LIMS1: variants seen among roughly 807,000 people sequenced by gnomAD.
LIMS1 encodes the protein LIM zinc finger domain containing 1.
A neutral mutation model predicts 44.1 loss-of-function variants in LIMS1; 18 were observed. That is an observed-to-expected ratio of 0.41 (90% CI 0.28 to 0.61). LIMS1 has a LOEUF of 0.61. Ranked by LOEUF, LIMS1 falls within the 20% of genes least tolerant of loss-of-function variation. LIMS1 has a pLI of 0.32. For synonymous variants in LIMS1, 93 were observed against 149.1 expected (o/e 0.62, Z 2.74); for missense variants, 201 against 422.0 (o/e 0.48, Z 4.59).
intron 1 of LIMS1, among the ~76,000 whole-genome samples, chr2:108,559,815 A>G (rs1685051552): frequency 1.3e-5 from 2 of 152,204 alleles, no homozygotes; most frequent in Admixed American, 6.5e-5. Context: ...CTGGCAAACA[A>G]TTATAAACTG....
In LIMS1 at chr2:108,551,480, TGCGC is replaced by T. The variant is rs57736859; in HGVS notation, c.32+16895_32+16898del. On this transcript the variant is annotated intron_variant, in intron 1 of 9. Coordinates refer to ENST00000544547, the Ensembl canonical transcript of LIMS1. The stretch of plus-strand genomic sequence containing the variant: ...AGTTAGCACACTCTATATACATATA[TGCGC>T]GCGCGCGCACACACACACACACACA... Among the ~76,000 whole-genome samples, 139 of 117,714 alleles carry T rather than the reference TGCGC, an allele frequency of 1.2e-3. 1 individual carries two copies. Among genetic ancestry groups the T allele is most frequent in the African/African-American group, 3.5e-3 (106 of 30,568 alleles). 77.2% of individuals were successfully genotyped at this position (117,714 alleles called of 152,430 possible).
intron 2 of LIMS1, among the ~76,000 whole-genome samples, chr2:108,667,551 A>AAAAAAAATAT (rs765279788): frequency 6.7e-4 from 87 of 130,466 alleles, no homozygotes; most frequent in Admixed American, 1.8e-3. Context: ...AAAAAAAAAA[A>AAAAAAAATAT]ATATATATAT....
exon 10 of LIMS1, chr2:108,685,793 A>T (rs945859658): frequency 6.6e-6 from 1 of 152,178 alleles, no homozygotes; most frequent in Admixed American, 6.6e-5. Context: ...ATTAAATATT[A>T]TGCTATGAAT....
intron 1 of LIMS1, among the ~76,000 whole-genome samples, chr2:108,548,375 A>G (rs962178642): frequency 1.3e-5 from 2 of 152,184 alleles, no homozygotes; most frequent in African/African-American, 4.8e-5. Flanking sequence ...TATACAAAGC[A>G]TGAAGCATCT....
chr2:108,683,539 C>CAA (rs35864001), intron 9 of LIMS1, among the ~76,000 whole-genome samples: 2,335 of 104,880 alleles, frequency 0.022, 65 homozygotes, highest in African/African-American at 0.048. Context: ...GCTCTGTTTC[C>CAA]AAAAAAAAAA....
intron 1 of LIMS1, among the ~76,000 whole-genome samples, chr2:108,573,715 CA>C (rs1400467444): frequency 6.6e-6 from 1 of 152,078 alleles, no homozygotes; most frequent in African/African-American, 2.4e-5. Context: ...ACATCATAAA[CA>C]AATAAAGCGT....
At chr2:108,559,661 A>C (rs1685046112) in intron 1 of LIMS1, among the ~76,000 whole-genome samples, 1 of 152,206 alleles carries the variant, frequency 6.6e-6, no homozygotes, top group Admixed American at 6.5e-5. Flanking sequence ...ACCTCTGTGA[A>C]ATTGGAAATA....
chr2:108,550,836 T>A (rs2378136), intron 1 of LIMS1, among the ~76,000 whole-genome samples: 57,324 of 143,664 alleles, frequency 0.4, 12,514 homozygotes, highest in East Asian at 0.89. Context: ...AAACCCAGCT[T>A]TAGGCCAGGT....
intron 1 of LIMS1, among the ~76,000 whole-genome samples, chr2:108,656,875 G>C (rs1690899178): frequency 1.3e-5 from 1 of 74,852 alleles, no homozygotes; most frequent in Non-Finnish European, 2.7e-5. Flanking sequence ...AAACTATTAA[G>C]GTTCCCAAAG....
At chr2:108,654,731 TC>T (rs1690731045) in intron 1 of LIMS1, 1 of 197,680 alleles carries the variant, frequency 5.1e-6, no homozygotes, top group African/African-American at 2.4e-5. Context: ...TGTGGATATT[TC>T]TTTCTCTTGG....
intron 1 of LIMS1, among the ~76,000 whole-genome samples, chr2:108,585,684 G>C (rs1686071851): frequency 6.6e-6 from 1 of 152,150 alleles, no homozygotes; most frequent in African/African-American, 2.4e-5. Context: ...TCTTGCAAAA[G>C]AGATGGTGAT....
intron 1 of LIMS1, among the ~76,000 whole-genome samples, chr2:108,634,447 GT>G (rs1558819835): frequency 2.0e-5 from 3 of 152,186 alleles, no homozygotes; most frequent in Admixed American, 6.5e-5. Context: ...TACATTTTAG[GT>G]TTTTCTCAAT....
chr2:108,534,421 C>T (rs1425932020), exon 1 of LIMS1: 18 of 503,976 alleles, frequency 3.6e-5, no homozygotes, highest in Non-Finnish European at 4.5e-5. Flanking sequence ...TCCCGCGCCC[C>T]CGCGCGGCCG....
intron 1 of LIMS1, among the ~76,000 whole-genome samples, chr2:108,592,467 G>T (rs1686454472): frequency 6.6e-6 from 1 of 152,162 alleles, no homozygotes; most frequent in Non-Finnish European, 1.5e-5. Flanking sequence ...TTTTGTGTGT[G>T]GGAGGGGGGT....
At chr2:108,663,755 T>A (rs1164839065) in intron 2 of LIMS1, among the ~76,000 whole-genome samples, 1 of 151,914 alleles carries the variant, frequency 6.6e-6, no homozygotes, top group Admixed American at 6.6e-5. Flanking sequence ...TTTTTTATTT[T>A]TATTTTTATT....
At chr2:108,560,343 G>A (rs1685069185) in intron 1 of LIMS1, among the ~76,000 whole-genome samples, 1 of 152,148 alleles carries the variant, frequency 6.6e-6, no homozygotes, top group South Asian at 2.1e-4. Context: ...AAAAGCCGTA[G>A]TCTTTAGAGA....
intron 5 of LIMS1, among the ~76,000 whole-genome samples, chr2:108,674,963 A>G (rs1193255298): frequency 6.6e-6 from 1 of 151,706 alleles, no homozygotes; most frequent in Non-Finnish European, 1.5e-5. Context: ...ATGTTTATTG[A>G]TGCAGGAGAC....
Position 108,630,150 on chromosome 2 carries a change from A to G in LIMS1, c.33-29455A>G, listed in dbSNP as rs374674537. ...TTAGGCTATAGTGAGGTGAGATCAT[A>G]CCATTGTACTCCAGCCTGGGCAACA... On this transcript the variant is annotated intron_variant, in intron 1 of 9. Transcript: ENST00000544547. Among the ~76,000 whole-genome samples, 293 of 149,752 alleles carry G rather than the reference A, an allele frequency of 2.0e-3. 3 individuals are homozygous for G. Among genetic ancestry groups the G allele is most frequent in the African/African-American group, 6.9e-3 (279 of 40,464 alleles).
At chr2:108,672,959 A>G (rs1410353163) in exon 5 of LIMS1, 5 of 1,135,158 alleles carry the variant, frequency 4.4e-6, no homozygotes, top group Non-Finnish European at 6.2e-6. Flanking sequence ...CCATGCTATC[A>G]TCGATGAGCA....
Sources: gnomAD v4.1 joint callset for allele counts (sites outside exome capture counted in the v4.1 genomes callset) on GRCh38, gnomAD v4.1.1 for gene constraint, MANE v1.5 for transcripts, NCBI Gene and HGNC (gene_info 2026-07-23, HGNC 2026-07-21) for gene names.